POLR2B: variants seen among roughly 807,000 people sequenced by gnomAD.
POLR2B encodes RNA polymerase II subunit B.
POLR2B carries 57 observed loss-of-function variants against 144.6 expected under a neutral mutation model. The ratio of observed to expected loss-of-function variants is 0.39; its 90% CI spans 0.32 to 0.49. POLR2B has a LOEUF of 0.49. Among genes scored for constraint, POLR2B ranks in the 20% least tolerant of loss-of-function variants. The pLI, the probability that POLR2B is intolerant of heterozygous loss-of-function variation, is 0.83. For synonymous variants in POLR2B, 442 were observed against 469.8 expected (o/e 0.94, Z 0.77); for missense variants, 595 against 1,467.4 (o/e 0.41, Z 9.71).
chr4:56,990,332 C>T (rs1359319820), intron 2 of POLR2B, among the ~76,000 whole-genome samples: 1 of 152,002 alleles, frequency 6.6e-6, no homozygotes, highest in Non-Finnish European at 1.5e-5. Flanking sequence ...CTCAAGTGAT[C>T]CCCCTACCTC....
At chr4:57,010,708 A>C in intron 11 of POLR2B, 40 bp from the exon 12 acceptor site, 1 of 1,528,656 alleles carries the variant, frequency 6.5e-7, no homozygotes, top group Non-Finnish European at 8.8e-7. Flanking sequence ...TTTGATAGGC[A>C]TGTAAAATCA....
At chr4:56,996,570 C>T (rs1476789561) in intron 6 of POLR2B, among the ~76,000 whole-genome samples, 2 of 151,874 alleles carry the variant, frequency 1.3e-5, no homozygotes, top group Admixed American at 1.3e-4. Flanking sequence ...AGGCGTGAGC[C>T]ACTGTGCCCG....
chr4:56,991,952 C>G (rs1722519579), intron 3 of POLR2B, among the ~76,000 whole-genome samples: 1 of 152,142 alleles, frequency 6.6e-6, no homozygotes, highest in Admixed American at 6.5e-5. Flanking sequence ...GCCACTGCAC[C>G]TGGCTTGTTG....
intron 22 of POLR2B, 81 bp from the exon 23 acceptor site, chr4:57,025,296 G>C: frequency 1.0e-6 from 1 of 964,530 alleles, no homozygotes; most frequent in East Asian, 2.4e-5. Flanking sequence ...TATATAAATG[G>C]AGTAACACAA....
intron 22 of POLR2B, 108 bp from the exon 23 acceptor site, chr4:57,025,269 T>C: frequency 1.2e-6 from 1 of 850,474 alleles, no homozygotes. Flanking sequence ...TATAGATTAG[T>C]TCTGTGCTTT....
chr4:57,006,986 G>T lies in POLR2B; in HGVS notation c.1388G>T (p.Arg463Ile), dbSNP rs1406467095. 6 of 1,613,342 alleles carry T rather than the reference G, an allele frequency of 3.7e-6. No homozygotes were observed. The highest frequency in any genetic ancestry group is 5.1e-6 in the Non-Finnish European group (6 of 1,179,456). The change falls in exon 10 of 25, where the codon AGA (arginine) becomes ATA (isoleucine). Residue 463 changes from arginine to isoleucine, a missense_variant. By Grantham distance (97) the Arg-to-Ile change is moderately conservative. Around this residue, in one of 9 missense-constraint regions of POLR2B, gnomAD observed 251 missense variants for 567.3 expected, o/e 0.44. Coordinates refer to ENST00000314595, the MANE Select transcript of POLR2B (RefSeq NM_000938.3). ...GATCAAAAGAAAGCTCATCAAGCCA[G>T]AGCTGGAGTATCTCAGGTAAGTGTG... ...WGDQKKAHQA[R>I]AGVSQVLNRL...
chr4:57,000,757 A>C (rs1402336697), intron 7 of POLR2B, among the ~76,000 whole-genome samples: 2 of 152,160 alleles, frequency 1.3e-5, no homozygotes, highest in Non-Finnish European at 2.9e-5. Context: ...GTGCAGTGGC[A>C]CGATCTCGGC....
In POLR2B at chr4:56,994,990, A is replaced by G. The variant is rs535480505; in HGVS notation, c.576+124A>G. ...CAGGATAACCTGGCACTGACAGTTG[A>G]CTTGTTTAGGGTATGACAGCTAAAC... On this transcript the variant is annotated intron_variant, in intron 5 of 24. Coordinates refer to ENST00000314595, the MANE Select transcript of POLR2B (RefSeq NM_000938.3). 27 of 693,954 alleles carry G rather than the reference A, an allele frequency of 3.9e-5. No homozygotes were observed. The South Asian group carries it at 5.2e-4, about 13-fold the overall frequency. 43.0% of individuals were successfully genotyped at this position (693,954 alleles called of 1,614,324 possible).
Position 57,028,481 on chromosome 4 carries a change from A to G in POLR2B, c.3240-1723A>G, listed in dbSNP as rs535127810. On this transcript the variant is annotated intron_variant, in intron 23 of 24. Transcript: ENST00000314595. ...GTCACAGGATATGAAAGAGATGTAT[A>G]CTCAAGGGTTAAGGTTTAATAAAAC... is the stretch of plus-strand genomic sequence containing the variant. 6.6e-5 allele frequency among the ~76,000 whole-genome samples: 10 copies of G among 152,172 alleles called. No individual in the cohort carries two copies. The South Asian group carries it at 2.1e-3, about 32-fold the overall frequency.
intron 3 of POLR2B, among the ~76,000 whole-genome samples, 165 bp downstream of exon 3, chr4:56,991,063 T>C (rs573902097): frequency 6.6e-6 from 1 of 152,162 alleles, no homozygotes; most frequent in South Asian, 2.1e-4. Context: ...AATGAAGAGG[T>C]GTGTTTTTTT....
chr4:56,984,783 A>T (rs554458588), intron 1 of POLR2B, among the ~76,000 whole-genome samples: 5 of 152,218 alleles, frequency 3.3e-5, no homozygotes, highest in Non-Finnish European at 1.5e-5. Context: ...ATATGTGTAC[A>T]TTAGAATAAA....
rs1224691065 is a variant in POLR2B, at chr4:57,011,103, A to G, written c.1800+3A>G. ...AGATGGACATCATTGTGTCTGAAGT[A>G]AGAATCTTTAGTTAAGAGGGTGTGG... On this transcript the variant is annotated splice_donor_region_variant and intron_variant, in intron 13 of 24. Coordinates refer to ENST00000314595, the MANE Select transcript of POLR2B (RefSeq NM_000938.3). 3.8e-6 allele frequency: 6 copies of G among 1,573,192 alleles called. No individual in the cohort carries two copies. In the African/African-American group the frequency reaches 6.7e-5, roughly 18 times the overall value.
chr4:57,020,902 T>G lies in POLR2B; in HGVS notation c.2327T>G (p.Ile776Ser), dbSNP rs1723520914. ...TATGCTCTTAAATTCACTGCAGGCA[T>G]CAACTCAATTGTGGCCATTGCATCA... ...YLRFRELPAG[I>S]NSIVAIASYT... Residue 776 changes from isoleucine to serine, a missense_variant, in exon 17 of 25, where the codon ATC (isoleucine) becomes AGC (serine). Around this residue, in one of 9 missense-constraint regions of POLR2B, gnomAD observed 39 missense variants for 174.3 expected, o/e 0.22. Transcript: ENST00000314595. The G allele has an allele frequency of 6.5e-7, 1 of 1,545,412 alleles. No homozygotes were observed. Among genetic ancestry groups the G allele is most frequent in the African/African-American group, 1.4e-5 (1 of 73,640 alleles).
intron 3 of POLR2B, among the ~76,000 whole-genome samples, chr4:56,994,057 TAAG>T (rs745492091): frequency 3.3e-5 from 5 of 152,240 alleles, no homozygotes; most frequent in Non-Finnish European, 7.3e-5. Context: ...TCTTCTGCCT[TAAG>T]AAAGCAATTA....
intron 3 of POLR2B, among the ~76,000 whole-genome samples, chr4:56,992,980 T>C (rs1722566857): frequency 6.6e-6 from 1 of 152,086 alleles, no homozygotes; most frequent in East Asian, 1.9e-4. Context: ...AAAAGTTACT[T>C]TGGAAAGTGA....
At chr4:56,989,703 G>A (rs9997513) in intron 2 of POLR2B, among the ~76,000 whole-genome samples, 1,867 of 152,318 alleles carry the variant, frequency 0.012, 40 homozygotes, top group African/African-American at 0.042. Context: ...GAGTGGAGAC[G>A]TGGAGGTGTG....
intron 1 of POLR2B, among the ~76,000 whole-genome samples, chr4:56,982,109 A>C (rs1722172305): frequency 6.6e-6 from 1 of 152,096 alleles, no homozygotes. Flanking sequence ...TAACTTCTGA[A>C]TGTGTATACT....
intron 16 of POLR2B, among the ~76,000 whole-genome samples, chr4:57,020,544 T>A (rs891748311): frequency 6.6e-6 from 1 of 152,158 alleles, no homozygotes; most frequent in African/African-American, 2.4e-5. Flanking sequence ...CTCCTCTGAT[T>A]CATGAGAATA....
At chr4:56,992,825 G>A (rs1031882090) in intron 3 of POLR2B, among the ~76,000 whole-genome samples, 2 of 151,836 alleles carry the variant, frequency 1.3e-5, no homozygotes, top group Non-Finnish European at 2.9e-5. Flanking sequence ...GCCTCCCAAA[G>A]TGCTGGGATT....
Sources: allele counts gnomAD v4.1 joint callset (sites outside exome capture counted in the v4.1 genomes callset), GRCh38; gene constraint gnomAD v4.1.1; regional missense constraint gnomAD v4.1.1; transcripts MANE v1.5; gene names NCBI Gene and HGNC (gene_info 2026-07-23, HGNC 2026-07-21).